The following CHEK2 variants were observed in gnomAD, a reference collection of about 807,000 sequenced individuals.
The protein encoded by CHEK2 is checkpoint kinase 2.
CHEK2 carries 71 observed loss-of-function variants against 69.1 expected under a neutral mutation model. The ratio of observed to expected loss-of-function variants is 1.03; its 90% CI spans 0.85 to 1.25. The LOEUF (loss-of-function observed/expected upper bound fraction) is 1.25. Ranked by LOEUF, CHEK2 falls within the 50% of genes most tolerant of loss-of-function variation. The probability of loss-of-function intolerance (pLI) is 0.00; values close to 1 mark genes in which losing one functional copy is unlikely to be tolerated. For missense variants in CHEK2, 664 were observed against 649.6 expected (o/e 1.02, Z -0.24); for synonymous variants, 189 against 226.9 (o/e 0.83, Z 1.50).
At chr22:28,724,661 G>T in intron 4 of CHEK2, 1 of 376,782 alleles carries the variant, frequency 2.7e-6, no homozygotes. Context: ...CTGCCTCCCG[G>T]GTTCAAGCGA....
chr22:28,691,071 G>A (rs1404613561), intron 13 of CHEK2, among the ~76,000 whole-genome samples: 4 of 152,066 alleles, frequency 2.6e-5, no homozygotes, highest in African/African-American at 7.2e-5. Flanking sequence ...ACCCTCTCAC[G>A]GCCTTACTTA....
intron 2 of CHEK2, among the ~76,000 whole-genome samples, chr22:28,733,195 G>C (rs2054269076): frequency 6.6e-6 from 1 of 152,178 alleles, no homozygotes; most frequent in South Asian, 2.1e-4. Context: ...TCACAAGGTT[G>C]GCTATTTTGA....
chr22:28,694,477 G>A (rs538185147), intron 12 of CHEK2, among the ~76,000 whole-genome samples: 1 of 152,252 alleles, frequency 6.6e-6, no homozygotes, highest in East Asian at 1.9e-4. Context: ...AGATGGATAG[G>A]TGACAGTTAC....
At position 28,694,078 on chromosome 22, in the gene CHEK2, T is replaced by C. The variant is rs1064793511; in HGVS notation, c.1415A>G (p.Lys472Arg). ...LVKKLLVVDP[K>R]ARFTTEEALR... Reference sequence around the variant, plus strand: ...GGCTTCTTCTGTCGTAAAACGTGCCTTTGGATCCACTACCAACAACTTCTT... The same window carrying C: ...GGCTTCTTCTGTCGTAAAACGTGCCCTTGGATCCACTACCAACAACTTCTT... The change falls in exon 13 of 15, where the codon AAG (lysine) becomes AGG (arginine). Residue 472 changes from lysine (K) to arginine (R), a missense_variant. Coordinates refer to ENST00000404276, the MANE Select transcript of CHEK2 (RefSeq NM_007194.4). 1 of 1,596,132 alleles carries C rather than the reference T, an allele frequency of 6.3e-7. No homozygotes were observed. Among genetic ancestry groups the C allele is most frequent in the Non-Finnish European group, 8.5e-7 (1 of 1,179,566 alleles).
chr22:28,693,951 G>A, intron 13 of CHEK2, 81 bp downstream of exon 13: 1 of 890,464 alleles, frequency 1.1e-6, no homozygotes, highest in Non-Finnish European at 1.9e-6. Flanking sequence ...AAGTAAACAT[G>A]TTTCTGTCCT....
intron 8 of CHEK2, among the ~76,000 whole-genome samples, chr22:28,701,770 G>A (rs1397140132): frequency 1.3e-5 from 2 of 152,064 alleles, no homozygotes; most frequent in African/African-American, 4.8e-5. Flanking sequence ...ACCTGGTCCT[G>A]GATTGAAAGG....
At chr22:28,715,571 C>T (rs2053561135) in intron 5 of CHEK2, among the ~76,000 whole-genome samples, 1 of 151,960 alleles carries the variant, frequency 6.6e-6, no homozygotes, top group Non-Finnish European at 1.5e-5. Context: ...AGACATATGC[C>T]ACCACACCCA....
intron 5 of CHEK2, among the ~76,000 whole-genome samples, chr22:28,719,008 G>A (rs940503297): frequency 6.6e-6 from 1 of 151,466 alleles, no homozygotes; most frequent in Non-Finnish European, 1.5e-5. Flanking sequence ...AGGAGGATGG[G>A]TTGAGCCCAG....
intron 1 of CHEK2, among the ~76,000 whole-genome samples, chr22:28,738,890 C>G (rs960240403): frequency 3.3e-5 from 5 of 152,142 alleles, no homozygotes; most frequent in African/African-American, 1.2e-4. Context: ...AAAAACATTT[C>G]CAAACTAGCC....
intron 7 of CHEK2, among the ~76,000 whole-genome samples, chr22:28,705,192 C>T (rs2053070524): frequency 6.6e-6 from 1 of 151,666 alleles, no homozygotes; most frequent in African/African-American, 2.4e-5. Flanking sequence ...CATTCTCCTG[C>T]CTCAGCCTCC....
rs587780168 is a variant in CHEK2 at position 28,695,809 on chromosome 22, G to C, written c.1160C>G (p.Thr387Ser). 6.2e-7 allele frequency: 1 copy of C among 1,613,644 alleles called. No individual in the cohort carries two copies. The highest frequency in any genetic ancestry group is 8.5e-7 in the Non-Finnish European group (1 of 1,179,674). ...ETSLMRTLCG[T>S]PTYLAPEVLV... Reference sequence around the variant, plus strand: ...AACTTCAGGCGCCAAGTAGGTGGGGGTTCCACATAAGGTTCTCATGAGAGA... The same window carrying C: ...AACTTCAGGCGCCAAGTAGGTGGGGCTTCCACATAAGGTTCTCATGAGAGA... Residue 387 changes from threonine to serine, a missense_variant, in exon 11 of 15, where the codon ACC (threonine) becomes AGC (serine). Coordinates refer to ENST00000404276, the MANE Select transcript of CHEK2 (RefSeq NM_007194.4).
At chr22:28,705,938 C>T (rs559895679) in intron 7 of CHEK2, among the ~76,000 whole-genome samples, 5 of 150,608 alleles carry the variant, frequency 3.3e-5, no homozygotes, top group Admixed American at 1.3e-4. Context: ...AGTGAAACTC[C>T]GTCTCAAAAA....
At chr22:28,715,068 C>G (rs2053541828) in intron 5 of CHEK2, among the ~76,000 whole-genome samples, 1 of 152,202 alleles carries the variant, frequency 6.6e-6, no homozygotes, top group African/African-American at 2.4e-5. Context: ...GAGCAACACC[C>G]TGTCATTCAT....
At chr22:28,719,371 C>T (rs2146003992) in intron 5 of CHEK2, 24 bp downstream of exon 5, 1 of 1,339,686 alleles carries the variant, frequency 7.5e-7, no homozygotes, top group Non-Finnish European at 1.0e-6. Context: ...AAATTAAGTG[C>T]ATTTATATAA....
intron 4 of CHEK2, among the ~76,000 whole-genome samples, chr22:28,722,067 GTTTA>G (rs2053806144): frequency 6.6e-6 from 1 of 151,884 alleles, no homozygotes; most frequent in Non-Finnish European, 1.5e-5. Context: ...ATTTTTTAAT[GTTTA>G]TTTAATTTTT....
At chr22:28,688,211 T>C (rs2052199445) in intron 14 of CHEK2, among the ~76,000 whole-genome samples, 1 of 152,192 alleles carries the variant, frequency 6.6e-6, no homozygotes, top group South Asian at 2.1e-4. Flanking sequence ...TTCTGACCTC[T>C]GAACGATGTA....
chr22:28,718,403 T>G (rs1341283596), intron 5 of CHEK2, among the ~76,000 whole-genome samples: 1 of 152,138 alleles, frequency 6.6e-6, no homozygotes, highest in African/African-American at 2.4e-5. Flanking sequence ...AATTACCATA[T>G]GATCCAGCAA....
intron 4 of CHEK2, among the ~76,000 whole-genome samples, chr22:28,724,072 A>C (rs2053899536): frequency 6.6e-6 from 1 of 152,252 alleles, no homozygotes; most frequent in Admixed American, 6.5e-5. Context: ...AAACTGAATC[A>C]ATCAATGAAC....
rs1390889028 is a variant in CHEK2, at chr22:28,703,515, CAATAT to C, written c.893_897del (p.Tyr298CysfsTer12). ...AAGTTTACTACTTACAATTCCAAAA[CAATAT>C]AATAATCTTCTGCATCAAAAAAGTT... is the stretch of plus-strand genomic sequence containing the variant. On this transcript the variant is annotated frameshift_variant, in exon 8 of 15. Transcript: ENST00000404276. LOFTEE classifies it high-confidence loss of function. The C allele has an allele frequency of 1.3e-6, 2 of 1,494,380 alleles. No individual in the cohort carries two copies. The highest frequency in any genetic ancestry group is 1.8e-6 in the Non-Finnish European group (2 of 1,081,390). The allele number at this position is 1,494,380 out of a possible 1,614,324, so 92.6% of individuals were successfully genotyped here.
Sources: allele counts gnomAD v4.1 joint callset (sites outside exome capture counted in the v4.1 genomes callset), GRCh38; gene constraint gnomAD v4.1.1; transcripts MANE v1.5; gene names NCBI Gene and HGNC (gene_info 2026-07-23, HGNC 2026-07-21).